RPS6KA5: variants seen among roughly 807,000 people sequenced by gnomAD.
RPS6KA5 encodes the protein ribosomal protein S6 kinase alpha-5.
A neutral mutation model predicts 85.5 loss-of-function variants in RPS6KA5; 27 were observed. The observed-to-expected ratio is 0.32, with a 90% CI of 0.23 to 0.44. The LOEUF is 0.44. RPS6KA5 is among the 20% of genes least tolerant of loss of function. The pLI, the probability that RPS6KA5 is intolerant of heterozygous loss-of-function variation, is 1.00. For missense variants in RPS6KA5, 811 were observed against 980.9 expected (o/e 0.83, Z 2.31); for synonymous variants, 334 against 348.2 (o/e 0.96, Z 0.46).
chr14:90,896,488 G>T (rs1042010814), intron 12 of RPS6KA5, among the ~76,000 whole-genome samples: 1 of 152,050 alleles, frequency 6.6e-6, no homozygotes. Context: ...ATGGCAAAAG[G>T]GCCTTTTGAG....
At chr14:91,033,418 T>C (rs1185443822) in intron 1 of RPS6KA5, among the ~76,000 whole-genome samples, 3 of 151,738 alleles carry the variant, frequency 2.0e-5, no homozygotes, top group African/African-American at 7.3e-5. Flanking sequence ...CTGGCCAACA[T>C]GGCAAAACCC....
At chr14:90,872,984 T>C (rs2033219130) in intron 16 of RPS6KA5, among the ~76,000 whole-genome samples, 1 of 152,234 alleles carries the variant, frequency 6.6e-6, no homozygotes, top group Non-Finnish European at 1.5e-5. Context: ...CATCTCAACA[T>C]TTCCTAGTTT....
At chr14:91,018,421 C>T (rs1204977276) in intron 1 of RPS6KA5, among the ~76,000 whole-genome samples, 1 of 152,166 alleles carries the variant, frequency 6.6e-6, no homozygotes, top group Non-Finnish European at 1.5e-5. Context: ...CCAGAGGAGA[C>T]TGATATTTGA....
intron 3 of RPS6KA5, among the ~76,000 whole-genome samples, chr14:90,953,828 C>T (rs980472071): frequency 2.0e-5 from 3 of 152,170 alleles, no homozygotes; most frequent in South Asian, 4.1e-4. Flanking sequence ...CGGTTCTCTG[C>T]TCTCAAACCC....
chr14:90,952,267 C>T (rs935933169), intron 3 of RPS6KA5, among the ~76,000 whole-genome samples: 2 of 152,196 alleles, frequency 1.3e-5, no homozygotes, highest in African/African-American at 4.8e-5. Context: ...CAATGCATTA[C>T]CTGTCATTTA....
chr14:90,978,180 C>T, intron 3 of RPS6KA5, 126 bp downstream of exon 3: 2 of 664,792 alleles, frequency 3.0e-6, no homozygotes, highest in East Asian at 3.1e-5. Flanking sequence ...GATGCCACCA[C>T]AAAGAATGAG....
chr14:90,978,895 A>G (rs2039678984), intron 2 of RPS6KA5, among the ~76,000 whole-genome samples: 1 of 152,178 alleles, frequency 6.6e-6, no homozygotes, highest in South Asian at 2.1e-4. Flanking sequence ...ATATATATAT[A>G]TTTATTACTG....
Position 90,906,175 on chromosome 14 carries a change from C to T in RPS6KA5, c.931G>A (p.Glu311Lys). 1 of 1,607,786 alleles carries T rather than the reference C, an allele frequency of 6.2e-7. No individual in the cohort carries two copies. Among genetic ancestry groups the T allele is most frequent in the Non-Finnish European group, 8.5e-7 (1 of 1,175,396 alleles). ...TGAAAGAAGAGATGTTCTTTGATTT[C>T]ATCTGCATCACGTGGACCACATCCC... ...RLGCGPRDAD[E>K]IKEHLFFQKI... The change falls in exon 8 of 17, where the codon GAA becomes AAA. Residue 311 changes from glutamate to lysine, a missense_variant. Transcript: ENST00000614987.
chr14:90,872,686 T>C lies in RPS6KA5; in HGVS notation c.2161-364A>G, dbSNP rs556907153. Among the ~76,000 whole-genome samples, 19 of 152,312 alleles carry C rather than the reference T, an allele frequency of 1.2e-4. No homozygotes were observed. In the South Asian group the frequency reaches 3.9e-3, roughly 32 times the overall value. On this transcript the variant is annotated intron_variant, in intron 16 of 16. Coordinates refer to ENST00000614987, the MANE Select transcript of RPS6KA5 (RefSeq NM_004755.4). ...CTTTTACTGGTTCTGTGTCTAAGAT[T>C]TAAAATTCTGAACACAAAGTCCCAA...
rs927487738 is a variant in RPS6KA5, at chr14:90,853,344, A to G, written c.*18730T>C. 6.6e-6 allele frequency: 1 copy of G among 152,210 alleles called. No homozygotes were observed. Among genetic ancestry groups the G allele is most frequent in the African/African-American group, 2.4e-5 (1 of 41,460 alleles). The allele number at this position is 152,210 out of a possible 1,614,324, so 9.4% of individuals were successfully genotyped here. The stretch of plus-strand genomic sequence containing the variant: ...AAATGACTAATCAAACTAAAATTTC[A>G]AAGAGTAGATTCATCAAACTAAGAT... On this transcript the variant is annotated 3_prime_UTR_variant, in exon 17 of 17. Coordinates refer to ENST00000614987, the MANE Select transcript of RPS6KA5 (RefSeq NM_004755.4).
At chr14:90,973,206 C>G (rs564078512) in intron 3 of RPS6KA5, among the ~76,000 whole-genome samples, 1 of 152,186 alleles carries the variant, frequency 6.6e-6, no homozygotes, top group South Asian at 2.1e-4. Flanking sequence ...TTTTGGAGGC[C>G]GAGGTGGGCA....
intron 7 of RPS6KA5, among the ~76,000 whole-genome samples, chr14:90,906,897 G>A (rs1449748096): frequency 6.6e-6 from 1 of 152,050 alleles, no homozygotes; most frequent in Non-Finnish European, 1.5e-5. Context: ...AAAAGTACCT[G>A]CTTCAATGTT....
In RPS6KA5 at chr14:90,856,887, G is replaced by C. The variant is rs1430487550; in HGVS notation, c.*15187C>G. 1 of 170,566 alleles carries C rather than the reference G, an allele frequency of 5.9e-6. No homozygotes were observed. The highest frequency in any genetic ancestry group is 2.4e-5 in the African/African-American group (1 of 41,876). The allele number at this position is 170,566 out of a possible 1,614,324, so 10.6% of individuals were successfully genotyped here. ...CTGTCTCTATGGATTTGCCCATTCT[G>C]GACATTTCATGTAAGTGGAATCATA... is the stretch of plus-strand genomic sequence containing the variant. On this transcript the variant is annotated 3_prime_UTR_variant, in exon 17 of 17. Transcript: ENST00000614987.
chr14:90,892,453 G>GT (rs2034616488), intron 13 of RPS6KA5, among the ~76,000 whole-genome samples: 1 of 152,212 alleles, frequency 6.6e-6, no homozygotes, highest in Non-Finnish European at 1.5e-5. Context: ...GTTAGAGACA[G>GT]TTCTACATGG....
chr14:90,947,545 T>C lies in RPS6KA5; in HGVS notation c.400A>G (p.Ile134Val). The C allele has an allele frequency of 3.2e-6, 5 of 1,556,646 alleles. No individual in the cohort carries two copies. In the South Asian group the frequency reaches 4.5e-5, roughly 14 times the overall value. The change falls in exon 4 of 17, where the codon ATA becomes GTA. Residue 134 changes from isoleucine to valine, a missense_variant. Physicochemically the swap from Ile to Val is conservative, Grantham distance 29. This residue lies in a region of RPS6KA5 where 48 missense variants were observed against 87.6 expected (regional missense o/e 0.55). Transcript: ENST00000614987. ...TGAGTAAAAAGTTCACCACCATTTA[T>C]ATAATCTAAAAATGAAATACATTTT... is the stretch of plus-strand genomic sequence containing the variant. ...ETKLHLILDY[I>V]NGGELFTHLS...
chr14:91,017,624 A>C (rs1037323545), intron 1 of RPS6KA5, among the ~76,000 whole-genome samples: 6 of 152,238 alleles, frequency 3.9e-5, no homozygotes, highest in Non-Finnish European at 5.9e-5. Flanking sequence ...ATCAGCATCC[A>C]GTAAATAGTG....
intron 1 of RPS6KA5, among the ~76,000 whole-genome samples, chr14:91,049,987 G>A (rs1446804010): frequency 1.3e-5 from 2 of 152,186 alleles, no homozygotes; most frequent in Admixed American, 1.3e-4. Context: ...GTCTGCCATT[G>A]ACCAAAATGT....
chr14:90,904,094 C>T lies in RPS6KA5; in HGVS notation c.958-1125G>A, dbSNP rs181789741. 2.5e-4 allele frequency among the ~76,000 whole-genome samples: 38 copies of T among 152,170 alleles called. No homozygotes were observed. In the East Asian group the frequency reaches 5.4e-3, roughly 22 times the overall value. On this transcript the variant is annotated intron_variant, in intron 8 of 16. Coordinates refer to ENST00000614987, the MANE Select transcript of RPS6KA5 (RefSeq NM_004755.4). ...CCTCCTGAGTAGCTGGGACTACAGG[C>T]GACCGCCACCATGCCCGGCTAATTT...
Position 90,920,439 on chromosome 14 carries a change from A to T in RPS6KA5, c.703-130T>A. On this transcript the variant is annotated intron_variant, in intron 6 of 16. Coordinates refer to ENST00000614987, the MANE Select transcript of RPS6KA5 (RefSeq NM_004755.4). ...TGATTTTGTACACCTCCTTCTATGTAAGGAGTATTAAATTAACACATGCAA... is the reference window on the plus strand; with the variant it reads ...TGATTTTGTACACCTCCTTCTATGTTAGGAGTATTAAATTAACACATGCAA... 3 of 634,532 alleles carry T rather than the reference A, an allele frequency of 4.7e-6. No homozygotes were observed. In the South Asian group the frequency reaches 6.3e-5, roughly 13 times the overall value. The allele number at this position is 634,532 out of a possible 1,614,324, so 39.3% of individuals were successfully genotyped here.
Sources: allele counts gnomAD v4.1 joint callset (sites outside exome capture counted in the v4.1 genomes callset), GRCh38; gene constraint gnomAD v4.1.1; regional missense constraint gnomAD v4.1.1; transcripts MANE v1.5; gene names NCBI Gene and HGNC (gene_info 2026-07-23, HGNC 2026-07-21).